The following MYO1C variants were observed in gnomAD, a reference collection of about 807,000 sequenced individuals.
MYO1C encodes the protein unconventional myosin-Ic.
In MYO1C, 104 loss-of-function variants were observed where a neutral mutation model predicts 150.8. That is an observed-to-expected ratio of 0.69 (90% CI 0.59 to 0.81). The LOEUF (loss-of-function observed/expected upper bound fraction) is 0.81. Ranked by LOEUF, MYO1C falls within the 30% of genes least tolerant of loss-of-function variation. The pLI, the probability that MYO1C is intolerant of heterozygous loss-of-function variation, is 0.00. For missense variants in MYO1C, 1,504 were observed against 1,435.0 expected (o/e 1.05, Z -0.78); for synonymous variants, 663 against 579.9 (o/e 1.14, Z -2.06).
At chr17:1,489,912 C>T (rs1249108327) in intron 1 of MYO1C, among the ~76,000 whole-genome samples, 3 of 151,066 alleles carry the variant, frequency 2.0e-5, no homozygotes, top group Admixed American at 6.6e-5. Flanking sequence ...TGGTGGCACA[C>T]GCTTGTAATC....
At chr17:1,483,566 A>T in intron 3 of MYO1C, 44 bp downstream of exon 3, 1 of 1,432,038 alleles carries the variant, frequency 7.0e-7, no homozygotes, top group Non-Finnish European at 9.7e-7. Context: ...GTCACCTCAG[A>T]TGGAGACAGA....
intron 1 of MYO1C, chr17:1,487,036 C>G (rs143300684): frequency 1.3e-5 from 2 of 152,536 alleles, no homozygotes; most frequent in Admixed American, 1.3e-4. Flanking sequence ...CGGTGGGACT[C>G]TGAGCAAGTC....
chr17:1,465,748 G>A lies in MYO1C; in HGVS notation c.3170C>T (p.Ala1057Val), dbSNP rs767685178. ...TTATCACCGAGAATTCAGCCGTGGG[G>A]CGACCTGTGGGGGCGGAGAGAGACG... ...KAKNGHLAVV[A>V]PRLNSR Residue 1057 changes from alanine (A) to valine (V), a missense_variant, in exon 32 of 32, where the codon GCC becomes GTC. Physicochemically the swap from Ala to Val is moderately conservative, Grantham distance 64. Coordinates refer to ENST00000648651, the MANE Select transcript of MYO1C (RefSeq NM_001080779.2). 7.6e-7 allele frequency: 1 copy of A among 1,324,152 alleles called. No individual in the cohort carries two copies. The highest frequency in any genetic ancestry group is 3.0e-5 in the Admixed American group (1 of 32,856). The allele number at this position is 1,324,152 out of a possible 1,614,324, so 82.0% of individuals were successfully genotyped here.
At position 1,467,764 on chromosome 17, in the gene MYO1C, CT is replaced by C. The variant is rs1228975371; in HGVS notation, c.2967+75del. 905 of 607,236 alleles carry C rather than the reference CT, an allele frequency of 1.5e-3. 14 individuals carry two copies. The African/African-American group carries it at 0.018, about 12-fold the overall frequency. 37.6% of individuals were successfully genotyped at this position (607,236 alleles called of 1,614,324 possible). Reference sequence around the variant, plus strand: ...ACCTCCCCATCCACCCCCACACCCCCTATTCCCCCATCCACCCCACCTCCCC... The same window carrying C: ...ACCTCCCCATCCACCCCCACACCCCCATTCCCCCATCCACCCCACCTCCCC... On this transcript the variant is annotated intron_variant, in intron 29 of 31. Transcript: ENST00000648651.
chr17:1,488,862 G>A (rs1008020935), intron 1 of MYO1C, among the ~76,000 whole-genome samples: 2 of 152,212 alleles, frequency 1.3e-5, no homozygotes, highest in Admixed American at 1.3e-4. Context: ...CACCTGGGGA[G>A]GCATTTACTG....
chr17:1,479,683 C>G lies in MYO1C; in HGVS notation c.929G>C (p.Ser310Thr). ...GTGGATGTTGCCCAAATGAAGGACG[C>G]TGGCCACGATGCTCAGCAGGTCCTG... Reference protein sequence around the residue: ...EVEDLLSIVASVLHLGNIHFA... With the variant: ...EVEDLLSIVATVLHLGNIHFA... Residue 310 changes from serine to threonine, a missense_variant, in exon 8 of 32, where the codon AGC becomes ACC. Ser to Thr is a moderately conservative substitution (Grantham distance 58, BLOSUM62 1). Transcript: ENST00000648651. The surrounding 1 kb of genome is among the most constrained non-coding windows in gnomAD (Gnocchi z 4.2). 1.2e-6 allele frequency: 2 copies of G among 1,612,802 alleles called. No homozygotes were observed. The highest frequency in any genetic ancestry group is 1.7e-6 in the Non-Finnish European group (2 of 1,179,610).
In MYO1C at chr17:1,478,764, G is replaced by A. The variant is rs889259374; in HGVS notation, c.1093-29C>T. The stretch of plus-strand genomic sequence containing the variant: ...TGGACGCAGCGTGAGACAAGGAGAT[G>A]AATGCCACAGAGCCTGTGCATCCCA... On this transcript the variant is annotated intron_variant, in intron 9 of 31. Coordinates refer to ENST00000648651, the MANE Select transcript of MYO1C (RefSeq NM_001080779.2). The surrounding 1 kb of genome is among the most constrained non-coding windows in gnomAD (Gnocchi z 6.3). The A allele has an allele frequency of 8.7e-6, 14 of 1,611,932 alleles. No homozygotes were observed. The highest frequency in any genetic ancestry group is 7.6e-6 in the Non-Finnish European group (9 of 1,180,004).
Position 1,485,760 on chromosome 17 carries a change from C to T in MYO1C, c.76-1457G>A, listed in dbSNP as rs909965389. The T allele has an allele frequency of 5.6e-6, 6 of 1,068,782 alleles. No individual in the cohort carries two copies. In the African/African-American group the frequency reaches 1.0e-4, roughly 18 times the overall value. 66.2% of individuals were successfully genotyped at this position (1,068,782 alleles called of 1,614,324 possible). A position where few individuals can be genotyped will look rare whatever the true frequency, so the allele number is the denominator to read the frequency against. On this transcript the variant is annotated intron_variant, in intron 1 of 31. Coordinates refer to ENST00000648651, the MANE Select transcript of MYO1C (RefSeq NM_001080779.2). ...GCTCCGCTGCCCGCGCTCCGGGTCCCGGGCTCGGCGGCGGTGGCGGCGGCG... is the reference window on the plus strand; with the variant it reads ...GCTCCGCTGCCCGCGCTCCGGGTCCTGGGCTCGGCGGCGGTGGCGGCGGCG...
In MYO1C at chr17:1,470,218, A is replaced by G; in HGVS notation, c.2483T>C (p.Val828Ala). ...GGGCGTGGGCCACGAGGTGTCCAGGACATTCTGGGGCAGCTGCCGCCTCAG... is the reference window on the plus strand; with the variant it reads ...GGGCGTGGGCCACGAGGTGTCCAGGGCATTCTGGGGCAGCTGCCGCCTCAG... Reference protein sequence around the residue: ...LNLRRQLPQNVLDTSWPTPPP... With the variant: ...LNLRRQLPQNALDTSWPTPPP... The change falls in exon 24 of 32, where the codon GTC becomes GCC. Residue 828 changes from valine to alanine, a missense_variant. Val to Ala is a moderately conservative substitution (Grantham distance 64). Transcript: ENST00000648651. 1.2e-6 allele frequency: 2 copies of G among 1,611,774 alleles called. No homozygotes were observed. The highest frequency in any genetic ancestry group is 8.5e-7 in the Non-Finnish European group (1 of 1,179,550).
At chr17:1,471,802 C>T (rs954844568) in intron 19 of MYO1C, 105 bp downstream of exon 19, 83 of 1,256,722 alleles carry the variant, frequency 6.6e-5, no homozygotes, top group Non-Finnish European at 8.6e-5. Flanking sequence ...CCTCCGCATC[C>T]GCATTTCTAA....
rs754277973 is a variant in MYO1C, at chr17:1,480,542, G to C, written c.891C>G (p.Thr297=). ...VRKALTVIDF[T]EDEVEDLLSI... ...GAGGCCTCACCTCCACTTCATCCTC[G>C]GTGAAATCAATGACTGTCAGAGCCT... Residue 297 remains threonine (T), a synonymous_variant, in exon 7 of 32, where the codon ACC becomes ACG. Coordinates refer to ENST00000648651, the MANE Select transcript of MYO1C (RefSeq NM_001080779.2). The C allele has an allele frequency of 1.2e-5, 20 of 1,613,890 alleles. No homozygotes were observed. The highest frequency in any genetic ancestry group is 2.2e-5 in the South Asian group (2 of 91,082).
In MYO1C at chr17:1,472,858, C is replaced by T. The variant is rs143986191; in HGVS notation, c.1798-630G>A. Among the ~76,000 whole-genome samples the T allele has an allele frequency of 4.2e-4, 64 of 152,210 alleles. 1 individual carries two copies. In the East Asian group the frequency reaches 0.012, roughly 28 times the overall value. ...AGGACTGAGGGGGAGCTGCTAAGTA[C>T]TCCGGCAAGATCCAGTGGCTGGACA... is the stretch of plus-strand genomic sequence containing the variant. On this transcript the variant is annotated intron_variant, in intron 17 of 31. Coordinates refer to ENST00000648651, the MANE Select transcript of MYO1C (RefSeq NM_001080779.2).
intron 1 of MYO1C, chr17:1,485,055 C>CTG (rs1414172742): frequency 8.3e-7 from 1 of 1,201,122 alleles, no homozygotes. Flanking sequence ...TTTCCTCCAG[C>CTG]TGCTGGGCTC....
At chr17:1,482,602 C>T in intron 4 of MYO1C, 44 bp from the exon 5 acceptor site, 6 of 1,549,838 alleles carry the variant, frequency 3.9e-6, no homozygotes, top group Non-Finnish European at 5.3e-6. Context: ...CACTCTCCCC[C>T]TGCCCTCCCC....
At position 1,477,364 on chromosome 17, in the gene MYO1C, CAT is replaced by C. The variant is rs2074420579; in HGVS notation, c.1574+139_1574+140del. ...GGCTAAGCTTCTTAGTTTCTGGACACATGTGAGGGGTCCTTAACTCAGCACCG... is the reference window on the plus strand; with the variant it reads ...GGCTAAGCTTCTTAGTTTCTGGACACGTGAGGGGTCCTTAACTCAGCACCG... On this transcript the variant is annotated intron_variant, in intron 14 of 31. Transcript: ENST00000648651. 1.2e-5 allele frequency: 9 copies of C among 753,014 alleles called. No individual in the cohort carries two copies. The Admixed American group carries it at 1.8e-4, about 15-fold the overall frequency. 46.6% of individuals were successfully genotyped at this position (753,014 alleles called of 1,614,324 possible).
At chr17:1,485,293 G>A (rs1186375770) in intron 1 of MYO1C, 18 of 1,120,758 alleles carry the variant, frequency 1.6e-5, no homozygotes, top group Non-Finnish European at 2.0e-5. Context: ...ACAAGGTGGT[G>A]GTGATTGGGG....
chr17:1,484,122 C>T (rs1414174392), intron 2 of MYO1C, 26 bp downstream of exon 2: 2 of 1,611,606 alleles, frequency 1.2e-6, no homozygotes, highest in African/African-American at 2.7e-5. Context: ...CCCAGCACCC[C>T]TGCCATCTCC....
At position 1,470,079 on chromosome 17, in the gene MYO1C, G is replaced by T. The variant is rs558955450; in HGVS notation, c.2526+96C>A. 9 of 1,325,858 alleles carry T rather than the reference G, an allele frequency of 6.8e-6. No individual in the cohort carries two copies. The African/African-American group carries it at 1.2e-4, about 17-fold the overall frequency. The allele number at this position is 1,325,858 out of a possible 1,614,324, so 82.1% of individuals were successfully genotyped here. ...TGCTCAGCTCTGGTCCGGGCCCTCCGTGAGCCCTCCCTGACCAATCCTTTG... is the reference window on the plus strand; with the variant it reads ...TGCTCAGCTCTGGTCCGGGCCCTCCTTGAGCCCTCCCTGACCAATCCTTTG... On this transcript the variant is annotated intron_variant, in intron 24 of 31. Coordinates refer to ENST00000648651, the MANE Select transcript of MYO1C (RefSeq NM_001080779.2).
At position 1,470,511 on chromosome 17, in the gene MYO1C, T is replaced by G; in HGVS notation, c.2290A>C (p.Ile764Leu). 6.4e-7 allele frequency: 1 copy of G among 1,552,792 alleles called. No individual in the cohort carries two copies. Among genetic ancestry groups the G allele is most frequent in the Non-Finnish European group, 8.7e-7 (1 of 1,147,894 alleles). The change falls in exon 23 of 32, where the codon ATC becomes CTC. Residue 764 changes from isoleucine to leucine, a missense_variant. Ile to Leu is a conservative substitution (Grantham distance 5). Transcript: ENST00000648651. ...FLRVKRSAIC[I>L]QSWWRGTLGR... Reference sequence around the variant, plus strand: ...AGTGTTCCACGCCACCACGACTGGATGCAGATGGCTGTCGTGGAGACCACA... The same window carrying G: ...AGTGTTCCACGCCACCACGACTGGAGGCAGATGGCTGTCGTGGAGACCACA...
Sources: allele counts gnomAD v4.1 joint callset (sites outside exome capture counted in the v4.1 genomes callset), GRCh38; gene constraint gnomAD v4.1.1; non-coding constraint Gnocchi (gnomAD v3.1); transcripts MANE v1.5; gene names NCBI Gene and HGNC (gene_info 2026-07-23, HGNC 2026-07-21).